Variants in GDAP1 observed in about 807,000 individuals in gnomAD.
The protein encoded by GDAP1 is ganglioside-induced differentiation-associated protein 1.
GDAP1 carries 34 observed loss-of-function variants against 40.1 expected under a neutral mutation model. The observed-to-expected ratio is 0.85, with a 90% CI of 0.64 to 1.13. GDAP1 has a LOEUF of 1.13. Ranked by LOEUF, GDAP1 falls within the 50% of genes most tolerant of loss-of-function variation. The probability of loss-of-function intolerance (pLI) is 0.00; values close to 1 mark genes in which losing one functional copy is unlikely to be tolerated. For synonymous variants in GDAP1, 170 were observed against 157.4 expected (o/e 1.08, Z -0.60); for missense variants, 374 against 433.7 (o/e 0.86, Z 1.22).
rs78698720 is a variant in GDAP1, at chr8:74,448,787, T to A, written c.166-39891T>A. Reference sequence around the variant, plus strand: ...TTTTAAGAATTACGTAGTCTGTTAGTTGATTGTAGGAGTTTTTTGGTCAGA... The same window carrying A: ...TTTTAAGAATTACGTAGTCTGTTAGATGATTGTAGGAGTTTTTTGGTCAGA... On this transcript the variant is annotated intron_variant, in intron 2 of 2. Coordinates refer to the GDAP1 transcript ENST00000523640. 2.7e-3 allele frequency among the ~76,000 whole-genome samples: 408 copies of A among 152,176 alleles called. 2 individuals carry two copies. The highest frequency in any genetic ancestry group is 9.3e-3 in the African/African-American group (387 of 41,562).
chr8:74,477,013 C>G (rs1358337227), intron 2 of GDAP1, among the ~76,000 whole-genome samples: 1 of 152,154 alleles, frequency 6.6e-6, no homozygotes, highest in Non-Finnish European at 1.5e-5. Context: ...TTTTGTCTGA[C>G]TGCCTTATTT....
chr8:74,418,442 A>T (rs1489476343), intron 2 of GDAP1, among the ~76,000 whole-genome samples: 1 of 152,236 alleles, frequency 6.6e-6, no homozygotes, highest in Non-Finnish European at 1.5e-5. Context: ...CAGAGATATT[A>T]TAATGTTTTT....
At position 74,391,864 on chromosome 8, in the gene GDAP1, G is replaced by T. The variant is rs183119025; in HGVS notation, c.165+40543G>T. Among the ~76,000 whole-genome samples, 23 of 152,184 alleles carry T rather than the reference G, an allele frequency of 1.5e-4. No individual in the cohort carries two copies. In the East Asian group the frequency reaches 3.1e-3, roughly 20 times the overall value. ...GCAGAATTTCGCTCTTGTTGCCCAG[G>T]CTGGAGTGCAATGGCCCGATCTTGG... is the stretch of plus-strand genomic sequence containing the variant. On this transcript the variant is annotated intron_variant, in intron 2 of 2. Coordinates refer to the GDAP1 transcript ENST00000523640.
intron 2 of GDAP1, among the ~76,000 whole-genome samples, chr8:74,398,298 G>C (rs202199179): frequency 6.6e-6 from 1 of 152,036 alleles, no homozygotes; most frequent in Non-Finnish European, 1.5e-5. Context: ...CCCTGCCTTT[G>C]TTTTGTTTTC....
At chr8:74,375,380 A>G (rs1260354867) in intron 2 of GDAP1, among the ~76,000 whole-genome samples, 3 of 152,176 alleles carry the variant, frequency 2.0e-5, no homozygotes, top group Non-Finnish European at 4.4e-5. Flanking sequence ...AAACTCCTCA[A>G]TAAAGTGTAG....
At chr8:74,359,023 A>G (rs1346432811) in intron 2 of GDAP1, among the ~76,000 whole-genome samples, 1 of 152,224 alleles carries the variant, frequency 6.6e-6, no homozygotes, top group Non-Finnish European at 1.5e-5. Context: ...CAGAGATAGG[A>G]AGAGATTCTG....
intron 2 of GDAP1, among the ~76,000 whole-genome samples, chr8:74,436,475 T>G (rs572607544): frequency 1.4e-5 from 2 of 147,482 alleles, no homozygotes; most frequent in Admixed American, 1.4e-4. Context: ...CAAGCTAGAG[T>G]GCAGTGGTGT....
intron 2 of GDAP1, among the ~76,000 whole-genome samples, chr8:74,482,951 A>C (rs2128721742): frequency 6.6e-6 from 1 of 152,324 alleles, no homozygotes; most frequent in African/African-American, 2.4e-5. Flanking sequence ...CTCTGGAGTC[A>C]GACTTCCTGG....
intron 2 of GDAP1, among the ~76,000 whole-genome samples, chr8:74,478,459 G>T (rs548474932): frequency 6.6e-6 from 1 of 152,158 alleles, no homozygotes; most frequent in Admixed American, 6.5e-5. Flanking sequence ...TGGTCAGCCA[G>T]CACAGGAGCT....
At chr8:74,372,037 C>A (rs1033624460) in intron 2 of GDAP1, among the ~76,000 whole-genome samples, 9 of 150,208 alleles carry the variant, frequency 6.0e-5, no homozygotes, top group South Asian at 2.1e-4. Flanking sequence ...TTTGTCCTTG[C>A]GATAGTTTGC....
intron 2 of GDAP1, among the ~76,000 whole-genome samples, chr8:74,352,549 G>A (rs1808928244): frequency 6.6e-6 from 1 of 152,246 alleles, no homozygotes; most frequent in African/African-American, 2.4e-5. Flanking sequence ...GTGGCGAGGG[G>A]GAAGCCCAGG....
Position 74,364,611 on chromosome 8 carries a change from A to T in GDAP1, c.*244A>T, listed in dbSNP as rs1386783699. On this transcript the variant is annotated 3_prime_UTR_variant, in exon 6 of 6. Transcript: ENST00000220822. ...GAGATAAGAGAAGGAAAAATGAGAG[A>T]ATGAAGTCTGTATAGGGTAGAGCAA... The T allele has an allele frequency of 1.6e-6, 1 of 635,014 alleles. No homozygotes were observed. Among genetic ancestry groups the T allele is most frequent in the Non-Finnish European group, 2.9e-6 (1 of 344,186 alleles). The allele number at this position is 635,014 out of a possible 1,614,324, so 39.3% of individuals were successfully genotyped here. A position where few individuals can be genotyped will look rare whatever the true frequency, so the allele number is the denominator to read the frequency against.
At chr8:74,367,829 A>G (rs1035945010), downstream of GDAP1, among the ~76,000 whole-genome samples, 8 of 152,332 alleles carry the variant, frequency 5.3e-5, no homozygotes, top group Non-Finnish European at 8.8e-5. Context: ...TAGACAGTGG[A>G]TGGATGACAG....
In GDAP1 at chr8:74,350,435, G is replaced by A; in HGVS notation, c.-27G>A. ...GGAGAAGTCCAGGGCGGACAGGCTG[G>A]GCGCACCCGTGCTCGCGCACCCCAA... On this transcript the variant is annotated 5_prime_UTR_variant, in exon 1 of 6. Coordinates refer to ENST00000220822, the MANE Select transcript of GDAP1 (RefSeq NM_018972.4). 1.4e-6 allele frequency: 2 copies of A among 1,411,132 alleles called. No homozygotes were observed. The highest frequency in any genetic ancestry group is 2.0e-6 in the Non-Finnish European group (2 of 998,194). 87.4% of individuals were successfully genotyped at this position (1,411,132 alleles called of 1,614,324 possible).
rs573757039 is a variant in GDAP1, at chr8:74,409,380, C to T, written c.165+58059C>T. Among the ~76,000 whole-genome samples, 15 of 149,790 alleles carry T rather than the reference C, an allele frequency of 1.0e-4. No individual in the cohort carries two copies. In the South Asian group the frequency reaches 3.1e-3, roughly 31 times the overall value. ...CCTTCCTTTTTTTCTGAGACAGAGT[C>T]TTACTCTGTCGCCCAGACTGGAGTG... On this transcript the variant is annotated intron_variant, in intron 2 of 2. Coordinates refer to the GDAP1 transcript ENST00000523640.
At chr8:74,368,532 C>T (rs1397274962), downstream of GDAP1, among the ~76,000 whole-genome samples, 2 of 152,200 alleles carry the variant, frequency 1.3e-5, no homozygotes, top group Non-Finnish European at 2.9e-5. Context: ...CTGCTCATTC[C>T]CTTGCAACAT....
At chr8:74,380,034 AT>A (rs1809922087) in intron 2 of GDAP1, among the ~76,000 whole-genome samples, 1 of 152,194 alleles carries the variant, frequency 6.6e-6, no homozygotes. Flanking sequence ...GCTCTGATTC[AT>A]TTGTGGATTG....
chr8:74,473,572 C>CT, intron 2 of GDAP1, among the ~76,000 whole-genome samples: 1 of 152,198 alleles, frequency 6.6e-6, no homozygotes. Flanking sequence ...TCATTGCTTG[C>CT]TTTTTTTCAG....
chr8:74,469,236 A>G (rs1411426677), intron 2 of GDAP1, among the ~76,000 whole-genome samples: 1 of 152,054 alleles, frequency 6.6e-6, no homozygotes, highest in Non-Finnish European at 1.5e-5. Context: ...TTTTCCTCTA[A>G]TGTCTTCTGA....
Sources: allele counts gnomAD v4.1 joint callset (sites outside exome capture counted in the v4.1 genomes callset), GRCh38; gene constraint gnomAD v4.1.1; transcripts MANE v1.5; gene names NCBI Gene and HGNC (gene_info 2026-07-23, HGNC 2026-07-21).